FER1L6: variants seen among roughly 807,000 people sequenced by gnomAD.
FER1L6 encodes the protein fer-1 like family member 6, also known as fer-1-like protein 6.
Under a neutral mutation model 219.2 loss-of-function variants are expected in FER1L6, and 177 were observed. That is an observed-to-expected ratio of 0.81 (90% CI 0.71 to 0.91). FER1L6 has a LOEUF of 0.91. Ranked by LOEUF, FER1L6 falls within the 40% of genes least tolerant of loss-of-function variation. The pLI is 0.00. For missense variants in FER1L6, 2,153 were observed against 2,259.9 expected (o/e 0.95, Z 0.96); for synonymous variants, 768 against 824.3 (o/e 0.93, Z 1.17).
At chr8:124,097,088 T>C (rs1586333648) in intron 35 of FER1L6, among the ~76,000 whole-genome samples, 183 bp from the exon 36 acceptor site, 4 of 143,664 alleles carry the variant, frequency 2.8e-5, no homozygotes, top group Admixed American at 2.7e-4. Flanking sequence ...TATATATATA[T>C]ATATATACAT....
At chr8:123,955,507 G>A (rs1206688163) in intron 1 of FER1L6, among the ~76,000 whole-genome samples, 1 of 152,186 alleles carries the variant, frequency 6.6e-6, no homozygotes, top group Non-Finnish European at 1.5e-5. Context: ...CCAGTGGTTA[G>A]ACCCTGGGCT....
chr8:123,906,756 C>T (rs769087756), intron 1 of FER1L6, among the ~76,000 whole-genome samples: 10 of 150,926 alleles, frequency 6.6e-5, no homozygotes, highest in East Asian at 2.0e-4. Context: ...ACCAAGATCA[C>T]GCCACTGCAC....
Position 124,021,594 on chromosome 8 carries a change from G to C in FER1L6, c.2058G>C (p.Lys686Asn), listed in dbSNP as rs1430705758. 1.2e-6 allele frequency: 2 copies of C among 1,614,014 alleles called. No homozygotes were observed. Among genetic ancestry groups the C allele is most frequent in the Non-Finnish European group, 8.5e-7 (1 of 1,179,990 alleles). The change falls in exon 17 of 41, where the codon AAG (lysine) becomes AAC (asparagine). Residue 686 changes from lysine to asparagine, a missense_variant. By Grantham distance (94) the Lys-to-Asn change is moderately conservative. Coordinates refer to ENST00000522917, the MANE Select transcript of FER1L6 (RefSeq NM_001039112.2). ...CCAAGGGGATCATTCAGCAGCAGAA[G>C]AAAAAGTTATCTGTTGATGAAATGA... ...KEAKGIIQQQ[K>N]KKLSVDEMIH...
intron 33 of FER1L6, among the ~76,000 whole-genome samples, chr8:124,089,380 G>A (rs1215390604): frequency 6.6e-6 from 1 of 152,204 alleles, no homozygotes; most frequent in African/African-American, 2.4e-5. Context: ...GCCACTGCCA[G>A]GGAATGGGGG....
chr8:124,099,030 G>A (rs1822432174), intron 37 of FER1L6, among the ~76,000 whole-genome samples: 1 of 152,160 alleles, frequency 6.6e-6, no homozygotes, highest in South Asian at 2.1e-4. Context: ...CTTAACTTCT[G>A]TAGCAACACA....
At chr8:124,095,086 T>TAC (rs1822222062) in intron 35 of FER1L6, 48 bp downstream of exon 35, 1 of 1,606,200 alleles carries the variant, frequency 6.2e-7, no homozygotes, top group East Asian at 2.2e-5. Flanking sequence ...TTGTGTACTG[T>TAC]AGAGTAATGG....
In FER1L6 at chr8:124,062,046, C is replaced by G. The variant is rs756568398; in HGVS notation, c.3328+14C>G. On this transcript the variant is annotated intron_variant, in intron 25 of 40. Coordinates refer to ENST00000522917, the MANE Select transcript of FER1L6 (RefSeq NM_001039112.2). ...AGCCTGGGCACGGTGAGAAGCTGCT[C>G]TTAGATTTTGTAGCTGTAACTATAA... 4 of 1,613,608 alleles carry G rather than the reference C, an allele frequency of 2.5e-6. No individual in the cohort carries two copies. The South Asian group carries it at 4.4e-5, about 18-fold the overall frequency.
Position 123,856,332 on chromosome 8 carries a change from A to G in FER1L6, c.-8+4147A>G, listed in dbSNP as rs1415064465. On this transcript the variant is annotated intron_variant, in intron 1 of 40. Transcript: ENST00000522917. ...TATGTATGTGTATATATATATATATATATATATATATATATATTAGGGTCC... is the reference window on the plus strand; with the variant it reads ...TATGTATGTGTATATATATATATATGTATATATATATATATATTAGGGTCC... 7.0e-5 allele frequency among the ~76,000 whole-genome samples: 9 copies of G among 128,486 alleles called. 1 individual carries two copies. The highest frequency in any genetic ancestry group is 2.4e-4 in the African/African-American group (8 of 33,942). The allele number at this position is 128,486 out of a possible 152,430, so 84.3% of individuals were successfully genotyped here.
intron 18 of FER1L6, 33 bp downstream of exon 18, chr8:124,023,629 A>G (rs1818568285): frequency 3.7e-6 from 6 of 1,608,532 alleles, no homozygotes; most frequent in Non-Finnish European, 5.1e-6. Flanking sequence ...AAAAGAAGGG[A>G]GATTTCTGTT....
chr8:123,868,442 C>G (rs564282500), intron 1 of FER1L6, among the ~76,000 whole-genome samples: 2 of 152,278 alleles, frequency 1.3e-5, no homozygotes, highest in African/African-American at 4.8e-5. Flanking sequence ...CAAGAGAGCT[C>G]TTTCATTTCC....
chr8:124,046,078 T>G (rs1819719516), intron 21 of FER1L6, 177 bp downstream of exon 21: 1 of 601,388 alleles, frequency 1.7e-6, no homozygotes, highest in Middle Eastern at 4.6e-4. Flanking sequence ...AGATTGGTGA[T>G]GATCATTTGC....
chr8:123,966,559 T>C (rs1316949538), intron 5 of FER1L6, among the ~76,000 whole-genome samples: 1 of 152,208 alleles, frequency 6.6e-6, no homozygotes, highest in Non-Finnish European at 1.5e-5. Flanking sequence ...TATCAGCTCA[T>C]TTTCATCCAT....
At chr8:123,935,625 A>T (rs1813955017) in intron 1 of FER1L6, among the ~76,000 whole-genome samples, 1 of 152,176 alleles carries the variant, frequency 6.6e-6, no homozygotes, top group Admixed American at 6.5e-5. Context: ...CCTGCTGGTG[A>T]TCAGGAGACA....
intron 1 of FER1L6, among the ~76,000 whole-genome samples, chr8:123,952,518 C>T (rs1814816719): frequency 6.6e-6 from 1 of 152,082 alleles, no homozygotes; most frequent in Non-Finnish European, 1.5e-5. Flanking sequence ...TGGGGATGAC[C>T]CTGGGAGGAT....
At chr8:123,883,443 G>A (rs1406067430) in intron 1 of FER1L6, among the ~76,000 whole-genome samples, 1 of 152,216 alleles carries the variant, frequency 6.6e-6, no homozygotes, top group African/African-American at 2.4e-5. Context: ...AGTAGTCTCT[G>A]AAACTTTACA....
intron 12 of FER1L6, among the ~76,000 whole-genome samples, chr8:123,991,383 G>T (rs984012918): frequency 4.6e-5 from 7 of 151,892 alleles, no homozygotes; most frequent in Non-Finnish European, 8.8e-5. Context: ...ATTTCTTTCA[G>T]CAGTGTTTTG....
chr8:123,997,726 T>C (rs1016265474), intron 12 of FER1L6, among the ~76,000 whole-genome samples: 2 of 152,200 alleles, frequency 1.3e-5, no homozygotes, highest in Admixed American at 6.5e-5. Flanking sequence ...TTTTGCTTCC[T>C]CTGTGTATTT....
chr8:123,858,151 G>A (rs747793027), intron 1 of FER1L6, among the ~76,000 whole-genome samples: 1 of 152,064 alleles, frequency 6.6e-6, no homozygotes, highest in Non-Finnish European at 1.5e-5. Flanking sequence ...CTTTAACCAG[G>A]TTCCTTTAAA....
chr8:124,004,177 T>TG (rs1817557352), intron 13 of FER1L6: 1 of 147,834 alleles, frequency 6.8e-6, no homozygotes, highest in Non-Finnish European at 1.5e-5. Flanking sequence ...AGAAAACAGC[T>TG]GGGGGCACTT....
Sources: allele counts gnomAD v4.1 joint callset (sites outside exome capture counted in the v4.1 genomes callset), GRCh38; gene constraint gnomAD v4.1.1; transcripts MANE v1.5; gene names NCBI Gene and HGNC (gene_info 2026-07-23, HGNC 2026-07-21).